Variants in SRGAP3 observed in about 807,000 individuals in gnomAD.
SRGAP3 encodes the protein SLIT-ROBO Rho GTPase-activating protein 3.
In SRGAP3, 39 loss-of-function variants were observed where a neutral mutation model predicts 121.1. The ratio of observed to expected loss-of-function variants is 0.32; its 90% CI spans 0.25 to 0.42. SRGAP3 has a LOEUF of 0.42. Among genes scored for constraint, SRGAP3 ranks in the 10% least tolerant of loss-of-function variants. The pLI is 1.00. For missense variants in SRGAP3, 1,213 were observed against 1,470.6 expected (o/e 0.82, Z 2.86); for synonymous variants, 601 against 570.0 (o/e 1.05, Z -0.77).
chr3:9,243,115 C>T (rs1167153009), intron 1 of SRGAP3, among the ~76,000 whole-genome samples: 3 of 152,100 alleles, frequency 2.0e-5, no homozygotes, highest in Admixed American at 1.3e-4. Context: ...CATAAAATTT[C>T]AATTAAGGAT....
chr3:9,345,620 C>T (rs931141938), intron 1 of SRGAP3, among the ~76,000 whole-genome samples: 1 of 151,574 alleles, frequency 6.6e-6, no homozygotes. Context: ...CCCGTCTCTA[C>T]TAAAAATGCA....
chr3:9,311,976 G>A (rs1438210930), intron 3 of SRGAP3, among the ~76,000 whole-genome samples: 1 of 152,198 alleles, frequency 6.6e-6, no homozygotes, highest in East Asian at 1.9e-4. Context: ...ACTTGCCAAT[G>A]CATAGAGTTC....
intron 1 of SRGAP3, among the ~76,000 whole-genome samples, chr3:9,234,362 C>G (rs1280349700): frequency 6.6e-6 from 1 of 152,092 alleles, no homozygotes; most frequent in Non-Finnish European, 1.5e-5. Context: ...TGGAAGTGTC[C>G]TACCGAGACA....
intron 1 of SRGAP3, among the ~76,000 whole-genome samples, chr3:9,190,194 CACAT>C (rs1951709394): frequency 6.6e-6 from 1 of 152,182 alleles, no homozygotes; most frequent in African/African-American, 2.4e-5. Flanking sequence ...ATTACACCAA[CACAT>C]ACAAAGTCAA....
chr3:9,342,812 A>G (rs1444877306), intron 1 of SRGAP3, among the ~76,000 whole-genome samples: 1 of 152,256 alleles, frequency 6.6e-6, no homozygotes, highest in African/African-American at 2.4e-5. Flanking sequence ...CTCCATGAGG[A>G]GGCAGAAGAA....
chr3:9,011,183 G>A (rs549221454), intron 17 of SRGAP3, among the ~76,000 whole-genome samples: 4 of 152,226 alleles, frequency 2.6e-5, no homozygotes, highest in South Asian at 4.1e-4. Flanking sequence ...AAAAAAAACC[G>A]AAGTAAATAG....
chr3:9,014,092 A>G, intron 15 of SRGAP3: 1 of 539,254 alleles, frequency 1.9e-6, no homozygotes, highest in East Asian at 3.4e-5. Flanking sequence ...GTTGTGAGAA[A>G]CCCACAGGGA....
At chr3:9,258,074 G>C (rs1248911416) in intron 3 of SRGAP3, among the ~76,000 whole-genome samples, 2 of 152,162 alleles carry the variant, frequency 1.3e-5, no homozygotes, top group South Asian at 2.1e-4. Context: ...ACTGGACAGA[G>C]ATAGTTCCTA....
chr3:9,017,807 G>A (rs1281354505), intron 14 of SRGAP3, among the ~76,000 whole-genome samples: 1 of 152,182 alleles, frequency 6.6e-6, no homozygotes. Context: ...TCAAGTCAGG[G>A]TATTTGAGGT....
chr3:9,241,052 C>T (rs1435212876), intron 1 of SRGAP3, among the ~76,000 whole-genome samples: 1 of 152,106 alleles, frequency 6.6e-6, no homozygotes, highest in African/African-American at 2.4e-5. Context: ...TTCGTGCACC[C>T]CGGAAAGTGA....
chr3:9,011,131 T>C lies in SRGAP3; in HGVS notation c.2148-744A>G, dbSNP rs374377017. Among the ~76,000 whole-genome samples, 11 of 152,132 alleles carry C rather than the reference T, an allele frequency of 7.2e-5. No homozygotes were observed. In the South Asian group the frequency reaches 1.9e-3, roughly 26 times the overall value. ...GCAATGATAGATAAGGCGGACAAGGTTCCTGGCTTCATGTTGCTTACATTG... is the reference window on the plus strand; with the variant it reads ...GCAATGATAGATAAGGCGGACAAGGCTCCTGGCTTCATGTTGCTTACATTG... On this transcript the variant is annotated intron_variant, in intron 17 of 21. Transcript: ENST00000383836.
intron 3 of SRGAP3, among the ~76,000 whole-genome samples, chr3:9,100,736 C>A (rs938616145): frequency 6.6e-6 from 1 of 152,220 alleles, no homozygotes; most frequent in Non-Finnish European, 1.5e-5. Context: ...ATCAAAGCGG[C>A]AAACACCATC....
intron 18 of SRGAP3, among the ~76,000 whole-genome samples, chr3:8,998,420 A>G (rs1281811512): frequency 2.0e-5 from 3 of 152,164 alleles, no homozygotes; most frequent in Non-Finnish European, 4.4e-5. Flanking sequence ...AAGAGCCCCA[A>G]CTGCCAAATC....
rs146634828 is a variant in SRGAP3, at chr3:9,305,306, G to A, written n.442+20704C>T. 1.6e-3 allele frequency among the ~76,000 whole-genome samples: 247 copies of A among 149,698 alleles called. 2 individuals are homozygous for A. Among genetic ancestry groups the A allele is most frequent in the South Asian group, 7.5e-3 (35 of 4,696 alleles). On this transcript the variant is annotated intron_variant and non_coding_transcript_variant, in intron 3 of 3. Transcript: ENST00000490889. The stretch of plus-strand genomic sequence containing the variant: ...AGAAGAGTGTGACCTCCACGCGAAC[G>A]CTGCGGTGTAACAGGGAGGGGCTGA...
intron 18 of SRGAP3, among the ~76,000 whole-genome samples, chr3:9,004,595 G>T (rs955736043): frequency 1.3e-5 from 2 of 152,190 alleles, no homozygotes; most frequent in African/African-American, 4.8e-5. Flanking sequence ...GAATAGCATT[G>T]CAAGTTCAAA....
At chr3:9,290,122 C>G (rs1296179553) in intron 3 of SRGAP3, among the ~76,000 whole-genome samples, 4 of 151,726 alleles carry the variant, frequency 2.6e-5, no homozygotes, top group Admixed American at 2.6e-4. Context: ...AAAAAAAAAC[C>G]ACCATCACCC....
intron 1 of SRGAP3, among the ~76,000 whole-genome samples, chr3:9,361,985 G>T (rs991713590): frequency 6.6e-6 from 1 of 151,828 alleles, no homozygotes; most frequent in Admixed American, 6.6e-5. Context: ...TGCACAAATT[G>T]CTCCTTTCAT....
intron 2 of SRGAP3, among the ~76,000 whole-genome samples, chr3:9,111,323 T>A (rs1255857882): frequency 6.6e-6 from 1 of 152,018 alleles, no homozygotes; most frequent in African/African-American, 2.4e-5. Flanking sequence ...GAAGAGGTCA[T>A]TAAGCTGTGC....
chr3:9,108,518 T>G (rs1948500134), intron 2 of SRGAP3, among the ~76,000 whole-genome samples: 1 of 152,106 alleles, frequency 6.6e-6, no homozygotes, highest in Admixed American at 6.5e-5. Context: ...CTTGGGAGAC[T>G]GAGGTGGGAG....
Sources: gnomAD v4.1 joint callset for allele counts (sites outside exome capture counted in the v4.1 genomes callset) on GRCh38, gnomAD v4.1.1 for gene constraint, MANE v1.5 for transcripts, NCBI Gene and HGNC (gene_info 2026-07-23, HGNC 2026-07-21) for gene names.